PRKX: variants seen among roughly 807,000 people sequenced by gnomAD.
PRKX encodes cAMP-dependent protein kinase catalytic subunit PRKX.
PRKX carries 12 observed loss-of-function variants against 22.0 expected under a neutral mutation model. The ratio of observed to expected loss-of-function variants is 0.54; its 90% CI spans 0.35 to 0.88. The LOEUF is 0.88. Among genes scored for constraint, PRKX ranks in the 40% least tolerant of loss-of-function variants. The pLI, the probability that PRKX is intolerant of heterozygous loss-of-function variation, is 0.01. For synonymous variants in PRKX, 134 were observed against 137.7 expected, an observed-to-expected ratio of 0.97 and a Z score of 0.19; for missense variants, 217 against 308.0, an observed-to-expected ratio of 0.70 and a Z score of 2.21.
chrX:3,631,336 T>C (rs138222520), intron 4 of PRKX, among the ~76,000 whole-genome samples: 1,523 of 112,419 alleles, frequency 0.014, 12 homozygotes, highest in Non-Finnish European at 0.022. Context: ...CCAAATCCAA[T>C]GACAGGTATC....
At chrX:3,627,091 C>T (rs1278165759) in intron 4 of PRKX, among the ~76,000 whole-genome samples, 1 of 111,338 alleles carries the variant, frequency 9.0e-6, no homozygotes, top group Non-Finnish European at 1.9e-5. Context: ...ATCATCTCAA[C>T]CCAATTAAGA....
rs1341215888 is a variant in PRKX at position 3,607,654 on chromosome X, T to C, written c.*1315A>G. On this transcript the variant is annotated 3_prime_UTR_variant, in exon 9 of 9. Coordinates refer to ENST00000262848, the MANE Select transcript of PRKX (RefSeq NM_005044.5). The stretch of plus-strand genomic sequence containing the variant: ...GATGAAAAAGGGTGGCTATGTTCTG[T>C]TTCTGTAATTTCACTGTTTTAACAT... The C allele has an allele frequency of 9.0e-6, 1 of 110,661 alleles. No individual in the cohort carries two copies. The highest frequency in any genetic ancestry group is 3.3e-5 in the African/African-American group (1 of 30,133). The allele number at this position is 110,661 out of a possible 1,213,427, so 9.1% of individuals were successfully genotyped here. A position where few individuals can be genotyped will look rare whatever the true frequency, so the allele number is the denominator to read the frequency against.
Position 3,641,932 on chromosome X carries a change from G to T in PRKX, c.639C>A (p.Pro213=), listed in dbSNP as rs750781693. The T allele has an allele frequency of 1.3e-6, 1 of 746,137 alleles. No individual in the cohort carries two copies. The allele number at this position is 746,137 out of a possible 1,213,427, so 61.5% of individuals were successfully genotyped here. A position where few individuals can be genotyped will look rare whatever the true frequency, so the allele number is the denominator to read the frequency against. ...CGTGGCCCTTGCTCTGAATGACTTC[G>T]GGGGCTAGGTACTCGGGTGTTCCAC... ...TLCGTPEYLA[P]EVIQSKGHGR... The change falls in exon 4 of 9, where the codon CCC becomes CCA. Residue 213 remains proline, a synonymous_variant. Transcript: ENST00000262848.
intron 1 of PRKX, among the ~76,000 whole-genome samples, chrX:3,709,402 T>C (rs1414370009): frequency 1.8e-5 from 2 of 111,245 alleles, no homozygotes; most frequent in East Asian, 5.6e-4. Flanking sequence ...CTAGGAACTT[T>C]GGAGTCTTCC....
intron 4 of PRKX, among the ~76,000 whole-genome samples, chrX:3,633,889 T>C (rs1603473499): frequency 8.9e-6 from 1 of 111,760 alleles, no homozygotes; most frequent in African/African-American, 3.3e-5. Flanking sequence ...CACTAGAATT[T>C]CACTAGAATT....
chrX:3,624,721 G>A (rs1926626283), intron 5 of PRKX, among the ~76,000 whole-genome samples: 1 of 110,818 alleles, frequency 9.0e-6, no homozygotes, highest in African/African-American at 3.3e-5. Context: ...CTGGGCTCAA[G>A]CAGTCCTCCC....
intron 5 of PRKX, 109 bp from the exon 6 acceptor site, chrX:3,621,425 G>A: frequency 2.9e-6 from 2 of 688,497 alleles, no homozygotes; most frequent in Non-Finnish European, 4.4e-6. Flanking sequence ...GAGGACCGCA[G>A]TTCAATTTCC....
intron 4 of PRKX, among the ~76,000 whole-genome samples, chrX:3,636,940 G>GAAGGA (rs1926899346): frequency 9.6e-6 from 1 of 104,155 alleles, no homozygotes; most frequent in African/African-American, 3.5e-5. Flanking sequence ...AGGAAAGGAA[G>GAAGGA]AAGGAAAGGA....
At chrX:3,678,840 G>C (rs768067035) in intron 1 of PRKX, among the ~76,000 whole-genome samples, 3 of 111,620 alleles carry the variant, frequency 2.7e-5, no homozygotes, top group Non-Finnish European at 5.6e-5. Context: ...ATGTCTATTT[G>C]TAGCCTTCTC....
intron 2 of PRKX, among the ~76,000 whole-genome samples, chrX:3,662,737 T>C (rs1927626122): frequency 9.9e-6 from 1 of 101,174 alleles, no homozygotes; most frequent in African/African-American, 3.6e-5. Flanking sequence ...GTGGGCATGG[T>C]GATATGCACC....
intron 5 of PRKX, among the ~76,000 whole-genome samples, chrX:3,623,430 C>T (rs977384609): frequency 1.8e-5 from 2 of 110,181 alleles, no homozygotes; most frequent in Non-Finnish European, 1.9e-5. Context: ...GTGGTGCATG[C>T]CTGTAGCACC....
At chrX:3,680,298 C>T (rs751033546) in intron 1 of PRKX, among the ~76,000 whole-genome samples, 2 of 110,836 alleles carry the variant, frequency 1.8e-5, no homozygotes, top group Admixed American at 1.9e-4. Context: ...TGCCCGCCAC[C>T]CCGCCTGGCT....
intron 7 of PRKX, 24 bp from the exon 8 acceptor site, chrX:3,612,349 A>T: frequency 5.0e-6 from 6 of 1,202,994 alleles, no homozygotes; most frequent in Non-Finnish European, 6.7e-6. Context: ...CCGAAGCACA[A>T]AGGCATGGTT....
rs113201179 is a variant in PRKX at position 3,637,064 on chromosome X, GGAGA to G, written c.719+4784_719+4787del. Reference sequence around the variant, plus strand: ...AGGGAAGGGAAAGGGAAGGGAGGAAGGAGAGAGAGAGAGAGAGGGAGGGAGAGAG... The same window carrying G: ...AGGGAAGGGAAAGGGAAGGGAGGAAGGAGAGAGAGAGAGGGAGGGAGAGAG... On this transcript the variant is annotated intron_variant, in intron 4 of 8. Coordinates refer to ENST00000262848, the MANE Select transcript of PRKX (RefSeq NM_005044.5). 3.3e-3 allele frequency among the ~76,000 whole-genome samples: 324 copies of G among 99,123 alleles called. 2 individuals carry two copies. The highest frequency in any genetic ancestry group is 0.011 in the African/African-American group (308 of 26,967). 86.1% of individuals were successfully genotyped at this position (99,123 alleles called of 115,157 possible). A position where few individuals can be genotyped will look rare whatever the true frequency, so the allele number is the denominator to read the frequency against.
At chrX:3,689,818 A>C (rs1184953222) in intron 1 of PRKX, among the ~76,000 whole-genome samples, 7 of 111,525 alleles carry the variant, frequency 6.3e-5, no homozygotes, top group Non-Finnish European at 1.1e-4. Flanking sequence ...TCCACTAAAA[A>C]TACAAAAAAT....
At chrX:3,642,256 A>G (rs1927094028) in intron 3 of PRKX, among the ~76,000 whole-genome samples, 1 of 110,311 alleles carries the variant, frequency 9.1e-6, no homozygotes, top group African/African-American at 3.3e-5. Flanking sequence ...AAAAAACCTC[A>G]TTTTTTTTGA....
At chrX:3,633,753 A>G (rs1437383326) in intron 4 of PRKX, among the ~76,000 whole-genome samples, 1 of 110,613 alleles carries the variant, frequency 9.0e-6, no homozygotes, top group Non-Finnish European at 1.9e-5. Flanking sequence ...ACACCCTCCT[A>G]AACTATCAGC....
chrX:3,710,235 A>T lies in PRKX; in HGVS notation c.166+2853T>A, dbSNP rs183926357. The stretch of plus-strand genomic sequence containing the variant: ...ACTGTTCTGATCCAAAGTTCCTAAA[A>T]CGAAATCGGCCTTTAGACCAGACGT... On this transcript the variant is annotated intron_variant, in intron 1 of 8. Transcript: ENST00000262848. Among the ~76,000 whole-genome samples the T allele has an allele frequency of 3.6e-5, 4 of 111,842 alleles. No individual in the cohort carries two copies. In the East Asian group the frequency reaches 1.1e-3, roughly 31 times the overall value.
intron 4 of PRKX, among the ~76,000 whole-genome samples, chrX:3,628,050 A>G (rs749051727): frequency 8.9e-6 from 1 of 111,804 alleles, no homozygotes; most frequent in East Asian, 2.8e-4. Flanking sequence ...TACACACAGT[A>G]GAATACTATT....
Sources: gnomAD v4.1 joint callset for allele counts (sites outside exome capture counted in the v4.1 genomes callset) on GRCh38, gnomAD v4.1.1 for gene constraint, MANE v1.5 for transcripts, NCBI Gene and HGNC (gene_info 2026-07-23, HGNC 2026-07-21) for gene names.